Variants in ZFP91 observed in about 807,000 individuals in gnomAD.
ZFP91 encodes the protein E3 ubiquitin-protein ligase ZFP91.
ZFP91 carries 7 observed loss-of-function variants against 63.5 expected under a neutral mutation model. The ratio of observed to expected loss-of-function variants is 0.11; its 90% CI spans 0.06 to 0.21. The LOEUF (loss-of-function observed/expected upper bound fraction) is 0.21, where lower values mean the gene tolerates loss of function less well. Ranked by LOEUF, ZFP91 falls within the 10% of genes least tolerant of loss-of-function variation. ZFP91 has a pLI of 1.00. For synonymous variants in ZFP91, 330 were observed against 272.1 expected (o/e 1.21, Z -2.10); for missense variants, 628 against 736.6 (o/e 0.85, Z 1.71).
intron 9 of ZFP91, 107 bp downstream of exon 9, chr11:58,614,450 C>T (rs1357435983): frequency 5.2e-6 from 4 of 773,040 alleles, no homozygotes; most frequent in Admixed American, 3.3e-5. Flanking sequence ...ATTCTATAGT[C>T]AAGTGCGGGG....
Position 58,617,072 on chromosome 11 carries a change from G to GTGTGTA in ZFP91, c.1203-119_1203-118insATGTGT, listed in dbSNP as rs750419227. 4.4e-6 allele frequency: 1 copy of GTGTGTA among 229,414 alleles called. No homozygotes were observed. Among genetic ancestry groups the GTGTGTA allele is most frequent in the African/African-American group, 2.9e-5 (1 of 34,920 alleles). The allele number at this position is 229,414 out of a possible 1,614,324, so 14.2% of individuals were successfully genotyped here. ...CAAAAGAAGTATGTTACTGATTATT[G>GTGTGTA]TGTGTGTGTGTGTGTGTGTGTGTGT... On this transcript the variant is annotated intron_variant, in intron 10 of 10. Transcript: ENST00000316059. The surrounding 1 kb of genome is among the most constrained non-coding windows in gnomAD (Gnocchi z 4.2).
At position 58,579,581 on chromosome 11, in the gene ZFP91, G is replaced by A; in HGVS notation, c.300G>A (p.Lys100=). The change falls in exon 1 of 11, where the codon AAG becomes AAA. Residue 100 remains lysine (K), a synonymous_variant. Coordinates refer to ENST00000316059, the MANE Select transcript of ZFP91 (RefSeq NM_053023.5). The part of the protein sequence containing the change: ...DVPGQQPQAA[K]SPSPVQGKKS... ...CCGGGCAGCAGCCCCAGGCCGCGAA[G>A]TCCCCGTCTCCAGTTCAGGGCAAGA... is the stretch of plus-strand genomic sequence containing the variant. The A allele has an allele frequency of 6.3e-7, 1 of 1,583,216 alleles. No homozygotes were observed. Among genetic ancestry groups the A allele is most frequent in the Non-Finnish European group, 8.6e-7 (1 of 1,167,936 alleles).
chr11:58,582,400 G>A (rs373610386), intron 1 of ZFP91, among the ~76,000 whole-genome samples: 3 of 152,126 alleles, frequency 2.0e-5, no homozygotes, highest in African/African-American at 7.2e-5. Flanking sequence ...AAAAAGGAAG[G>A]TTTATTCTGT....
At chr11:58,606,645 A>G (rs534520659) in intron 2 of ZFP91, among the ~76,000 whole-genome samples, 9 of 152,102 alleles carry the variant, frequency 5.9e-5, no homozygotes, top group East Asian at 5.8e-4. Flanking sequence ...CCTCCCCCCA[A>G]TAATCTCCAG....
intron 2 of ZFP91, among the ~76,000 whole-genome samples, chr11:58,594,294 C>A (rs576447060): frequency 4.3e-4 from 66 of 152,202 alleles, no homozygotes; most frequent in African/African-American, 1.5e-3. Context: ...TTTCTCCTGC[C>A]CCTTCTTTAT....
intron 2 of ZFP91, 21 bp from the exon 3 acceptor site, chr11:58,609,809 A>G (rs1855627022): frequency 6.2e-7 from 1 of 1,604,846 alleles, no homozygotes; most frequent in Admixed American, 1.7e-5. Context: ...CTTAAAGAGA[A>G]TGGTATGTCT....
chr11:58,620,714 T>G lies in ZFP91; in HGVS notation c.*3008T>G, dbSNP rs2134431641. ...GTACTACCAATCTAACTAAGATTAT[T>G]ATAGTCTGGTTGTTTGAAATACCAT... On this transcript the variant is annotated 3_prime_UTR_variant, in exon 11 of 11. Coordinates refer to ENST00000316059, the MANE Select transcript of ZFP91 (RefSeq NM_053023.5). 1 of 152,778 alleles carries G rather than the reference T, an allele frequency of 6.5e-6. No homozygotes were observed. Among genetic ancestry groups the G allele is most frequent in the South Asian group, 2.1e-4 (1 of 4,832 alleles). 9.5% of individuals were successfully genotyped at this position (152,778 alleles called of 1,614,324 possible). A position where few individuals can be genotyped will look rare whatever the true frequency, so the allele number is the denominator to read the frequency against.
Position 58,619,805 on chromosome 11 carries a change from T to G in ZFP91, c.*2099T>G, listed in dbSNP as rs1218830622. 6.6e-6 allele frequency: 1 copy of G among 152,548 alleles called. No homozygotes were observed. Among genetic ancestry groups the G allele is most frequent in the Non-Finnish European group, 1.5e-5 (1 of 68,042 alleles). The allele number at this position is 152,548 out of a possible 1,614,324, so 9.4% of individuals were successfully genotyped here. A position where few individuals can be genotyped will look rare whatever the true frequency, so the allele number is the denominator to read the frequency against. On this transcript the variant is annotated 3_prime_UTR_variant, in exon 11 of 11. Coordinates refer to ENST00000316059, the MANE Select transcript of ZFP91 (RefSeq NM_053023.5). ...ATGGTTTGGAGTCGACTTTGGTATATTGACTAGATTTGAAAATACAAGATT... is the reference window on the plus strand; with the variant it reads ...ATGGTTTGGAGTCGACTTTGGTATAGTGACTAGATTTGAAAATACAAGATT...
intron 2 of ZFP91, among the ~76,000 whole-genome samples, chr11:58,599,128 A>G (rs1855453310): frequency 6.6e-6 from 1 of 152,114 alleles, no homozygotes; most frequent in Non-Finnish European, 1.5e-5. Context: ...GTAACATGTT[A>G]AGATTGCATT....
At position 58,609,875 on chromosome 11, in the gene ZFP91, A is replaced by G. The variant is rs1855628867; in HGVS notation, c.416A>G (p.Gln139Arg). 1 of 1,614,112 alleles carries G rather than the reference A, an allele frequency of 6.2e-7. No homozygotes were observed. The highest frequency in any genetic ancestry group is 8.5e-7 in the Non-Finnish European group (1 of 1,180,046). Residue 139 changes from glutamine (Q) to arginine (R), a missense_variant, in exon 3 of 11, where the codon CAG becomes CGG. By Grantham distance (43) the Gln-to-Arg change is conservative (BLOSUM62 1). Around this residue, in one of 3 missense-constraint regions of ZFP91, gnomAD observed 437 missense variants for 380.3 expected, o/e 1.15. Coordinates refer to ENST00000316059, the MANE Select transcript of ZFP91 (RefSeq NM_053023.5). ...KEEEDDSALP[Q>R]EVSIAASRPS... ...GAAGAAGACGATTCTGCCCTCCCTC[A>G]GGAAGTTTCCATTGCTGCATCTAGA...
intron 2 of ZFP91, among the ~76,000 whole-genome samples, chr11:58,592,353 C>CTGGGATTA (rs1565217690): frequency 6.6e-6 from 1 of 152,134 alleles, no homozygotes; most frequent in Non-Finnish European, 1.5e-5. Context: ...TCCCAAAGTG[C>CTGGGATTA]TGGGATTATA....
rs1264454556 is a variant in ZFP91 at position 58,612,293 on chromosome 11, A to G, written c.873A>G (p.Arg291=). The G allele has an allele frequency of 6.2e-6, 10 of 1,613,794 alleles. No homozygotes were observed. The highest frequency in any genetic ancestry group is 2.2e-5 in the East Asian group (1 of 44,866). ...EEPPRKRGRR[R]KDDKSPRLPK... The stretch of plus-strand genomic sequence containing the variant: ...TCAATTACAGGAGAGGAAGAAGACG[A>G]AAAGATGACAAAAGTCCACGTTTAC... The change falls in exon 7 of 11, where the codon CGA becomes CGG. Residue 291 remains arginine (R), a synonymous_variant. Transcript: ENST00000316059.
intron 9 of ZFP91, among the ~76,000 whole-genome samples, chr11:58,615,735 G>A (rs570713682): frequency 2.0e-5 from 3 of 152,224 alleles, no homozygotes; most frequent in African/African-American, 7.2e-5. Context: ...AGAATCTCAG[G>A]CCCTGCTTCA....
At chr11:58,589,352 A>G (rs1310946231) in intron 2 of ZFP91, among the ~76,000 whole-genome samples, 1 of 152,188 alleles carries the variant, frequency 6.6e-6, no homozygotes, top group East Asian at 1.9e-4. Flanking sequence ...GGCATAAGCC[A>G]CTACACCCAG....
At position 58,579,145 on chromosome 11, in the gene ZFP91, G is replaced by A. The variant is rs1256708496; in HGVS notation, c.-137G>A. The A allele has an allele frequency of 1.4e-5, 10 of 697,650 alleles. No individual in the cohort carries two copies. The highest frequency in any genetic ancestry group is 4.1e-6 in the Non-Finnish European group (2 of 485,606). The allele number at this position is 697,650 out of a possible 1,614,324, so 43.2% of individuals were successfully genotyped here. A position where few individuals can be genotyped will look rare whatever the true frequency, so the allele number is the denominator to read the frequency against. On this transcript the variant is annotated 5_prime_UTR_variant, in exon 1 of 11. Coordinates refer to ENST00000316059, the MANE Select transcript of ZFP91 (RefSeq NM_053023.5). ...GGGGCGCCCTCGGAGCCGGGCGGAG[G>A]GGAGGGGGGAAAGAGGAGCGCAGGG...
intron 8 of ZFP91, among the ~76,000 whole-genome samples, chr11:58,613,602 T>C (rs114410019): frequency 0.026 from 4,031 of 152,270 alleles, 181 homozygotes; most frequent in African/African-American, 0.092. Context: ...TAAAGTGATT[T>C]AGAAAAAAAG....
intron 2 of ZFP91, among the ~76,000 whole-genome samples, chr11:58,598,769 TGTGTGTGTG>T (rs1855446257): frequency 6.7e-6 from 1 of 148,692 alleles, no homozygotes. Flanking sequence ...TGTGTGTGTG[TGTGTGTGTG>T]TGTGTGTGTT....
intron 2 of ZFP91, among the ~76,000 whole-genome samples, chr11:58,589,559 C>A (rs1212166402): frequency 1.3e-5 from 2 of 152,188 alleles, no homozygotes; most frequent in African/African-American, 2.4e-5. Flanking sequence ...TAGAAATACA[C>A]AGAGTAGTTC....
chr11:58,594,177 T>C (rs1855356862), intron 2 of ZFP91, among the ~76,000 whole-genome samples: 1 of 152,218 alleles, frequency 6.6e-6, no homozygotes, highest in African/African-American at 2.4e-5. Context: ...TTGTTAGACT[T>C]TTTTATGCCT....
Sources: gnomAD v4.1 joint callset for allele counts (sites outside exome capture counted in the v4.1 genomes callset) on GRCh38, gnomAD v4.1.1 for gene constraint, gnomAD v4.1.1 regional missense constraint, Gnocchi (gnomAD v3.1) non-coding constraint, MANE v1.5 for transcripts, NCBI Gene and HGNC (gene_info 2026-07-23, HGNC 2026-07-21) for gene names.